The following TP53TG5 variants were observed in gnomAD, a reference collection of about 807,000 sequenced individuals.
TP53TG5 encodes the protein TP53 target 5.
Under a neutral mutation model 30.0 loss-of-function variants are expected in TP53TG5, and 17 were observed. The ratio of observed to expected loss-of-function variants is 0.57; its 90% CI spans 0.39 to 0.85. The LOEUF is 0.85. Ranked by LOEUF, TP53TG5 falls within the 40% of genes least tolerant of loss-of-function variation. The pLI, the probability that TP53TG5 is intolerant of heterozygous loss-of-function variation, is 0.00. For missense variants in TP53TG5, 338 were observed against 367.9 expected, an observed-to-expected ratio of 0.92 and a Z score of 0.67; for synonymous variants, 137 against 139.2, an observed-to-expected ratio of 0.98 and a Z score of 0.11.
At position 45,375,062 on chromosome 20, in the gene TP53TG5, T is replaced by C; in HGVS notation, c.745A>G (p.Met249Val). The change falls in exon 4 of 5, where the codon ATG becomes GTG. Residue 249 changes from methionine (M) to valine (V), a missense_variant. Coordinates refer to ENST00000372726, the MANE Select transcript of TP53TG5 (RefSeq NM_014477.3). ...CTRFCSASLE[M>V]PMWHPYKVDV... Reference sequence around the variant, plus strand: ...ACCTTGTATGGATGCCACATAGGCATTTCAAGTGATGCGGAGCAGAAGCGG... The same window carrying C: ...ACCTTGTATGGATGCCACATAGGCACTTCAAGTGATGCGGAGCAGAAGCGG... 2 of 1,613,942 alleles carry C rather than the reference T, an allele frequency of 1.2e-6. No individual in the cohort carries two copies. The highest frequency in any genetic ancestry group is 1.7e-6 in the Non-Finnish European group (2 of 1,179,878).
intron 3 of TP53TG5, chr20:45,376,137 T>C (rs760641): frequency 0.64 from 98,082 of 152,148 alleles, 32,383 homozygotes; most frequent in African/African-American, 0.74. Flanking sequence ...TCCTGATCCT[T>C]CTAGCTCTAT....
chr20:45,377,526 C>T lies in TP53TG5; in HGVS notation c.123+13G>A, dbSNP rs935245847. ...GAGCTTCCCCAAGCTGGGGCCAAAA[C>T]AGGGCGTCTCACCGTTCTCAGACGG... On this transcript the variant is annotated intron_variant, in intron 2 of 4. Coordinates refer to ENST00000372726, the MANE Select transcript of TP53TG5 (RefSeq NM_014477.3). 1 of 1,613,672 alleles carries T rather than the reference C, an allele frequency of 6.2e-7. No homozygotes were observed. The highest frequency in any genetic ancestry group is 1.3e-5 in the African/African-American group (1 of 74,916).
In TP53TG5 at chr20:45,373,961, C is replaced by T. The variant is rs1988636753; in HGVS notation, c.819G>A (p.Ser273=). The T allele has an allele frequency of 6.2e-7, 1 of 1,613,568 alleles. No homozygotes were observed. Among genetic ancestry groups the T allele is most frequent in the Non-Finnish European group, 8.5e-7 (1 of 1,179,880 alleles). ...CATTCCTCCCCTTCAGCTGATGGCGCGATCTCCACCCTCTGCTCGCACCTC... is the reference window on the plus strand; with the variant it reads ...CATTCCTCCCCTTCAGCTGATGGCGTGATCTCCACCCTCTGCTCGCACCTC... ...RARGASRGWR[S]RHQLKGRNGW... is the part of the protein sequence containing the mutation. Residue 273 remains serine (S), a synonymous_variant, in exon 5 of 5, where the codon TCG becomes TCA. Coordinates refer to ENST00000372726, the MANE Select transcript of TP53TG5 (RefSeq NM_014477.3).
At chr20:45,374,444 A>T in intron 4 of TP53TG5, 1 of 568,118 alleles carries the variant, frequency 1.8e-6, no homozygotes, top group Non-Finnish European at 3.1e-6. Flanking sequence ...GCTAATTTTT[A>T]AATTTTTTGT....
At chr20:45,375,869 G>A (rs538954342) in intron 3 of TP53TG5, 1 of 302,718 alleles carries the variant, frequency 3.3e-6, no homozygotes, top group African/African-American at 2.2e-5. Flanking sequence ...CAGTCCAGTA[G>A]TTTTTCTAAA....
chr20:45,375,699 C>T (rs1022560365), intron 3 of TP53TG5, 147 bp from the exon 4 acceptor site: 4 of 984,786 alleles, frequency 4.1e-6, no homozygotes, highest in Admixed American at 2.5e-5. Context: ...AGGCCTTGTG[C>T]TGGTGTGAGG....
At position 45,373,723 on chromosome 20, in the gene TP53TG5, A is replaced by T. The variant is rs1050874573; in HGVS notation, c.*184T>A. On this transcript the variant is annotated 3_prime_UTR_variant, in exon 5 of 5. Transcript: ENST00000372726. ...GGAGACTAGCTCGCGGAGGTGGGGGAGGGGTGCTGCTCGCTGGCTTCTTTG... is the reference window on the plus strand; with the variant it reads ...GGAGACTAGCTCGCGGAGGTGGGGGTGGGGTGCTGCTCGCTGGCTTCTTTG... The T allele has an allele frequency of 2.0e-6, 1 of 511,230 alleles. No individual in the cohort carries two copies. The highest frequency in any genetic ancestry group is 3.3e-6 in the Non-Finnish European group (1 of 303,198). 31.7% of individuals were successfully genotyped at this position (511,230 alleles called of 1,614,324 possible).
chr20:45,376,648 T>C (rs189557077), intron 3 of TP53TG5: 18 of 152,328 alleles, frequency 1.2e-4, no homozygotes, highest in Admixed American at 1.0e-3. Context: ...GGGAAAATTC[T>C]TAAGTGCTTA....
At position 45,375,572 on chromosome 20, in the gene TP53TG5, CA is replaced by C; in HGVS notation, c.255-21del. ...TTTTCCCTGGCAGGGAGAGGAAAGGCAGTCAGCACAGCAGGACCGAGGCCCT... is the reference window on the plus strand; with the variant it reads ...TTTTCCCTGGCAGGGAGAGGAAAGGCGTCAGCACAGCAGGACCGAGGCCCT... On this transcript the variant is annotated intron_variant, in intron 3 of 4. Coordinates refer to ENST00000372726, the MANE Select transcript of TP53TG5 (RefSeq NM_014477.3). 1 of 1,594,764 alleles carries C rather than the reference CA, an allele frequency of 6.3e-7. No homozygotes were observed. Among genetic ancestry groups the C allele is most frequent in the South Asian group, 1.1e-5 (1 of 89,676 alleles).
chr20:45,375,045 T>A lies in TP53TG5; in HGVS notation c.762A>T (p.Pro254=). ...SASLEMPMWH[P]YKVDVTWTRA... ...GTGTTGTTGTCACACCCACCTTGTATGGATGCCACATAGGCATTTCAAGTG... is the reference window on the plus strand; with the variant it reads ...GTGTTGTTGTCACACCCACCTTGTAAGGATGCCACATAGGCATTTCAAGTG... Residue 254 remains proline, a synonymous_variant, in exon 4 of 5, where the codon CCA becomes CCT. Transcript: ENST00000372726. The A allele has an allele frequency of 6.2e-7, 1 of 1,612,854 alleles. No individual in the cohort carries two copies.
At chr20:45,375,665 C>T in intron 3 of TP53TG5, 113 bp from the exon 4 acceptor site, 3 of 1,327,552 alleles carry the variant, frequency 2.3e-6, no homozygotes, top group Non-Finnish European at 3.1e-6. Context: ...GAGGGGCCTG[C>T]AAAGAAACTT....
At chr20:45,374,085 A>AG in intron 4 of TP53TG5, 74 bp from the exon 5 acceptor site, 2 of 1,390,044 alleles carry the variant, frequency 1.4e-6, no homozygotes, top group Non-Finnish European at 1.0e-6. Flanking sequence ...GAGCGGGCGC[A>AG]GGGACAAGGG....
In TP53TG5 at chr20:45,375,269, C is replaced by T. The variant is rs754674712; in HGVS notation, c.538G>A (p.Glu180Lys). Residue 180 changes from glutamate to lysine, a missense_variant, in exon 4 of 5, where the codon GAG becomes AAG. Glu to Lys is a moderately conservative substitution (Grantham distance 56). Coordinates refer to ENST00000372726, the MANE Select transcript of TP53TG5 (RefSeq NM_014477.3). ...TTAATGAAGATGACTCGGGGGCCCT[C>T]GGTGAGTGGTTGCCTCCCCTGGACT... ...PGVQGRQPLT[E>K]GPRVIFIKPY... 5.0e-6 allele frequency: 8 copies of T among 1,614,036 alleles called. No homozygotes were observed. In the Admixed American group the frequency reaches 5.0e-5, roughly 10 times the overall value.
In TP53TG5 at chr20:45,375,542, C is replaced by G. The variant is rs1988706082; in HGVS notation, c.265G>C (p.Ala89Pro). ...TTATTTTGTTTTGTTTTATTGCAGG[C>G]ACTGTTTTCCCTGGCAGGGAGAGGA... ...ILRISSGENS[A>P]CNKTKQNNEE... The change falls in exon 4 of 5, where the codon GCC (alanine) becomes CCC (proline). Residue 89 changes from alanine to proline, a missense_variant. Coordinates refer to ENST00000372726, the MANE Select transcript of TP53TG5 (RefSeq NM_014477.3). The G allele has an allele frequency of 6.2e-7, 1 of 1,606,542 alleles. No individual in the cohort carries two copies. The highest frequency in any genetic ancestry group is 1.7e-5 in the Admixed American group (1 of 59,470).
chr20:45,373,443 C>T lies in TP53TG5; in HGVS notation c.*464G>A, dbSNP rs1260578184. ...GGTCGCAATGCACGCGCATGACCTA[C>T]AGGGTGCTGGGGCTATTCCGCCTGC... On this transcript the variant is annotated 3_prime_UTR_variant, in exon 5 of 5. Coordinates refer to ENST00000372726, the MANE Select transcript of TP53TG5 (RefSeq NM_014477.3). The T allele has an allele frequency of 5.2e-6, 1 of 194,108 alleles. No individual in the cohort carries two copies. Among genetic ancestry groups the T allele is most frequent in the Non-Finnish European group, 1.1e-5 (1 of 92,022 alleles). 12.0% of individuals were successfully genotyped at this position (194,108 alleles called of 1,614,324 possible).
rs540263651 is a variant in TP53TG5 at position 45,377,582 on chromosome 20, T to G, written c.80A>C (p.Glu27Ala). 1 of 1,614,132 alleles carries G rather than the reference T, an allele frequency of 6.2e-7. No individual in the cohort carries two copies. The highest frequency in any genetic ancestry group is 8.5e-7 in the Non-Finnish European group (1 of 1,180,004). Reference protein sequence around the residue: ...MQDEKLRDETEQPVSKVIERN... With the variant: ...MQDEKLRDETAQPVSKVIERN... Reference sequence around the variant, plus strand: ...CTCAATTACTTTGCTCACAGGCTGCTCTGTCTCGTCCCGCAGTTTCTCATC... The same window carrying G: ...CTCAATTACTTTGCTCACAGGCTGCGCTGTCTCGTCCCGCAGTTTCTCATC... Residue 27 changes from glutamate to alanine, a missense_variant, in exon 2 of 5, where the codon GAG becomes GCG. Glu to Ala is a moderately radical substitution (Grantham distance 107, BLOSUM62 -1). Coordinates refer to ENST00000372726, the MANE Select transcript of TP53TG5 (RefSeq NM_014477.3).
rs572873198 is a variant in TP53TG5 at position 45,372,900 on chromosome 20, A to G, written c.*1007T>C. ...TGATGCCCAGTCTTGGTGCCCAGTA[A>G]TGGTGGGGAGGAGTGTGTGAGTGGG... On this transcript the variant is annotated 3_prime_UTR_variant, in exon 5 of 5. Coordinates refer to ENST00000372726, the MANE Select transcript of TP53TG5 (RefSeq NM_014477.3). 2 of 57,598 alleles carry G rather than the reference A, an allele frequency of 3.5e-5. No individual in the cohort carries two copies. Among genetic ancestry groups the G allele is most frequent in the South Asian group, 1.2e-3 (2 of 1,618 alleles). The allele number at this position is 57,598 out of a possible 1,614,324, so 3.6% of individuals were successfully genotyped here.
rs1988625857 is a variant in TP53TG5 at position 45,373,689 on chromosome 20, C to G, written c.*218G>C. On this transcript the variant is annotated 3_prime_UTR_variant, in exon 5 of 5. Coordinates refer to ENST00000372726, the MANE Select transcript of TP53TG5 (RefSeq NM_014477.3). ...ACGAGCGCCCTGACTTCACAGAGCG[C>G]GCCACTCAGGAGACTAGCTCGCGGA... The G allele has an allele frequency of 1.6e-5, 9 of 575,434 alleles. No homozygotes were observed. The highest frequency in any genetic ancestry group is 1.5e-4 in the South Asian group (7 of 46,616). The allele number at this position is 575,434 out of a possible 1,614,324, so 35.6% of individuals were successfully genotyped here.
At position 45,373,883 on chromosome 20, in the gene TP53TG5, G is replaced by A. The variant is rs755857875; in HGVS notation, c.*24C>T. On this transcript the variant is annotated 3_prime_UTR_variant, in exon 5 of 5. Coordinates refer to ENST00000372726, the MANE Select transcript of TP53TG5 (RefSeq NM_014477.3). ...CAAACAGGCAGAGTAAGCAGTATTC[G>A]TCTTAGGTGCCATATGGAAGATCTT... 2.5e-6 allele frequency: 4 copies of A among 1,601,808 alleles called. No individual in the cohort carries two copies. The highest frequency in any genetic ancestry group is 2.2e-5 in the East Asian group (1 of 44,804).
Sources: allele counts gnomAD v4.1 joint callset, GRCh38; gene constraint gnomAD v4.1.1; transcripts MANE v1.5; gene names NCBI Gene and HGNC (gene_info 2026-07-23, HGNC 2026-07-21).